GTF2H5: variants seen among roughly 807,000 people sequenced by gnomAD.
GTF2H5 encodes TFB5 ortholog.
In GTF2H5, 5 loss-of-function variants were observed where a neutral mutation model predicts 7.1. The ratio of observed to expected loss-of-function variants is 0.71; its 90% CI spans 0.37 to 1.49. The LOEUF is 1.49. Ranked by LOEUF, GTF2H5 falls within the 40% of genes most tolerant of loss-of-function variation. The pLI is 0.03. For synonymous variants in GTF2H5, 30 were observed against 31.7 expected, an observed-to-expected ratio of 0.95 and a Z score of 0.18; for missense variants, 80 against 83.0, an observed-to-expected ratio of 0.96 and a Z score of 0.14.
At chr6:158,186,700 A>C (rs1387179067) in intron 2 of GTF2H5, among the ~76,000 whole-genome samples, 3 of 152,214 alleles carry the variant, frequency 2.0e-5, no homozygotes, top group Non-Finnish European at 4.4e-5. Flanking sequence ...CATTTTAGGG[A>C]GACAAAATAT....
intron 2 of GTF2H5, 34 bp from the exon 3 acceptor site, chr6:158,191,943 A>G: frequency 6.4e-7 from 1 of 1,564,074 alleles, no homozygotes; most frequent in Non-Finnish European, 8.8e-7. Context: ...ATTTGACAAC[A>G]AGCTGTCTTA....
At chr6:158,169,667 G>GTATATTA (rs1192723166) in intron 1 of GTF2H5, among the ~76,000 whole-genome samples, 4 of 51,202 alleles carry the variant, frequency 7.8e-5, no homozygotes, top group Admixed American at 7.9e-4. Context: ...ATAATATATT[G>GTATATTA]TATATTATAT....
chr6:158,175,011 TGTG>T (rs1785911063), intron 2 of GTF2H5, among the ~76,000 whole-genome samples: 2 of 16,700 alleles, frequency 1.2e-4, no homozygotes, highest in South Asian at 3.7e-3. Flanking sequence ...GTGCCTGAGA[TGTG>T]TGTGTGTGTG....
chr6:158,170,689 C>T, intron 2 of GTF2H5, 151 bp downstream of exon 2: 1 of 676,674 alleles, frequency 1.5e-6, no homozygotes, highest in Non-Finnish European at 2.7e-6. Flanking sequence ...TTGCAAAGCT[C>T]CTGGTGCCAG....
chr6:158,195,037 A>T lies in GTF2H5; in HGVS notation c.*2880A>T, dbSNP rs920691689. On this transcript the variant is annotated 3_prime_UTR_variant, in exon 3 of 3. Coordinates refer to ENST00000607778, the MANE Select transcript of GTF2H5 (RefSeq NM_207118.3). ...TATGGGTGAACAGGAAATAAGCGAC[A>T]TTCACCTAGGCTGTTTATTGGAATC... The T allele has an allele frequency of 2.0e-5, 3 of 152,202 alleles. No individual in the cohort carries two copies. Among genetic ancestry groups the T allele is most frequent in the Non-Finnish European group, 4.4e-5 (3 of 68,048 alleles). 9.4% of individuals were successfully genotyped at this position (152,202 alleles called of 1,614,324 possible).
chr6:158,170,652 C>G (rs762948628), intron 2 of GTF2H5, 114 bp downstream of exon 2: 3 of 798,776 alleles, frequency 3.8e-6, no homozygotes, highest in African/African-American at 3.4e-5. Flanking sequence ...TCAAGTCTTT[C>G]GCTTTTAACA....
At chr6:158,169,718 ATT>A (rs1785799877) in intron 1 of GTF2H5, among the ~76,000 whole-genome samples, 1 of 85,406 alleles carries the variant, frequency 1.2e-5, no homozygotes, top group Non-Finnish European at 2.1e-5. Flanking sequence ...TATATTATAT[ATT>A]ATATAATATA....
chr6:158,193,721 A>ATGC lies in GTF2H5; in HGVS notation c.*1564_*1565insTGC, dbSNP rs1188714961. ...ATTCTTAAGAATTTCCAGGCTGGGCACGGTGGCTCACGCCTGTAATCCCAG... is the reference window on the plus strand; with the variant it reads ...ATTCTTAAGAATTTCCAGGCTGGGCATGCCGGTGGCTCACGCCTGTAATCCCAG... On this transcript the variant is annotated 3_prime_UTR_variant, in exon 3 of 3. Coordinates refer to ENST00000607778, the MANE Select transcript of GTF2H5 (RefSeq NM_207118.3). 1 of 152,014 alleles carries ATGC rather than the reference A, an allele frequency of 6.6e-6. No individual in the cohort carries two copies. The highest frequency in any genetic ancestry group is 1.5e-5 in the Non-Finnish European group (1 of 68,002). The allele number at this position is 152,014 out of a possible 1,614,324, so 9.4% of individuals were successfully genotyped here.
At chr6:158,177,995 A>T (rs1785955553) in intron 2 of GTF2H5, among the ~76,000 whole-genome samples, 1 of 152,154 alleles carries the variant, frequency 6.6e-6, no homozygotes, top group Non-Finnish European at 1.5e-5. Context: ...GTTGGTTCCA[A>T]GTCTTAGCTA....
chr6:158,173,484 A>G (rs532078429), intron 2 of GTF2H5, among the ~76,000 whole-genome samples: 3 of 152,338 alleles, frequency 2.0e-5, no homozygotes, highest in Admixed American at 6.5e-5. Flanking sequence ...ATTTGATGCC[A>G]AGGAGAAGCC....
At chr6:158,181,112 C>T (rs971308222) in intron 2 of GTF2H5, among the ~76,000 whole-genome samples, 11 of 152,030 alleles carry the variant, frequency 7.2e-5, no homozygotes, top group African/African-American at 2.2e-4. Flanking sequence ...TTTATTTCTG[C>T]GTTAATTTTG....
intron 1 of GTF2H5, among the ~76,000 whole-genome samples, chr6:158,169,986 A>G (rs938331046): frequency 6.6e-6 from 1 of 151,184 alleles, no homozygotes; most frequent in African/African-American, 2.4e-5. Context: ...GCGCCACTGC[A>G]CTACAGCCTG....
At chr6:158,186,631 T>G (rs973710796) in intron 2 of GTF2H5, among the ~76,000 whole-genome samples, 2 of 152,234 alleles carry the variant, frequency 1.3e-5, no homozygotes, top group African/African-American at 4.8e-5. Context: ...CCATGACATA[T>G]CCTCAGAAGG....
chr6:158,185,235 A>G (rs965724028), intron 2 of GTF2H5, among the ~76,000 whole-genome samples: 11 of 151,828 alleles, frequency 7.2e-5, no homozygotes, highest in Non-Finnish European at 1.5e-4. Flanking sequence ...TTCAATCTCA[A>G]ATTGTCTTTC....
Position 158,185,805 on chromosome 6 carries a change from C to T in GTF2H5, c.36-6172C>T, listed in dbSNP as rs377204050. ...GGTGGGTTGCTTGAGTCCAGGAGTT[C>T]GACATAACAGAACCCTATCTCTACA... On this transcript the variant is annotated intron_variant, in intron 2 of 2. Transcript: ENST00000607778. 3.3e-5 allele frequency among the ~76,000 whole-genome samples: 5 copies of T among 151,802 alleles called. No individual in the cohort carries two copies. The East Asian group carries it at 7.8e-4, about 24-fold the overall frequency.
intron 1 of GTF2H5, among the ~76,000 whole-genome samples, chr6:158,169,793 T>TATATA (rs1289546963): frequency 1.3e-4 from 7 of 52,048 alleles, no homozygotes; most frequent in African/African-American, 5.1e-4. Context: ...TATTATATAT[T>TATATA]ATATATTGTA....
rs1583643919 is a variant in GTF2H5, at chr6:158,199,065, C to G, written c.*6908C>G. 1 of 152,090 alleles carries G rather than the reference C, an allele frequency of 6.6e-6. No homozygotes were observed. The highest frequency in any genetic ancestry group is 6.6e-5 in the Admixed American group (1 of 15,258). 9.4% of individuals were successfully genotyped at this position (152,090 alleles called of 1,614,324 possible). Reference sequence around the variant, plus strand: ...TGTGGTTATCTCATTATTTTCATTCCTTTTTAATTCTCTGTTTTAGGAATG... The same window carrying G: ...TGTGGTTATCTCATTATTTTCATTCGTTTTTAATTCTCTGTTTTAGGAATG... On this transcript the variant is annotated 3_prime_UTR_variant, in exon 3 of 3. Transcript: ENST00000607778.
At chr6:158,189,466 C>T (rs1583637995) in intron 2 of GTF2H5, among the ~76,000 whole-genome samples, 1 of 152,184 alleles carries the variant, frequency 6.6e-6, no homozygotes. Flanking sequence ...CCTCCTCTTC[C>T]ACTGAGCTTG....
rs540229937 is a variant in GTF2H5 at position 158,168,730 on chromosome 6, A to C, written c.-35+335A>C. On this transcript the variant is annotated intron_variant, in intron 1 of 2. Coordinates refer to ENST00000607778, the MANE Select transcript of GTF2H5 (RefSeq NM_207118.3). ...TAGTGAAGGGGCACAAGATCTGGAG[A>C]TCTGGCTTGTACTTTTTTCCTTTGG... Among the ~76,000 whole-genome samples the C allele has an allele frequency of 3.6e-4, 55 of 152,348 alleles. 2 individuals carry two copies. In the South Asian group the frequency reaches 0.011, roughly 30 times the overall value.
Sources: allele counts gnomAD v4.1 joint callset (sites outside exome capture counted in the v4.1 genomes callset), GRCh38; gene constraint gnomAD v4.1.1; transcripts MANE v1.5; gene names NCBI Gene and HGNC (gene_info 2026-07-23, HGNC 2026-07-21).